Variants in MRO observed in about 807,000 individuals in gnomAD.
MRO encodes the protein protein maestro.
Under a neutral mutation model 31.0 loss-of-function variants are expected in MRO, and 28 were observed. That is an observed-to-expected ratio of 0.90 (90% CI 0.67 to 1.24). The LOEUF (loss-of-function observed/expected upper bound fraction) is 1.24, where lower values mean the gene tolerates loss of function less well. MRO is among the 50% of genes most tolerant of loss of function. The pLI is 0.00. For synonymous variants in MRO, 108 were observed against 108.4 expected (o/e 1.00, Z 0.02); for missense variants, 332 against 289.2 (o/e 1.15, Z -1.07).
chr18:50,809,235 A>G (rs1914248429), intron 3 of MRO, 67 bp downstream of exon 3: 2 of 1,260,998 alleles, frequency 1.6e-6, no homozygotes, highest in African/African-American at 1.5e-5. Flanking sequence ...CCACAGACCA[A>G]GCAAACATAC....
chr18:50,823,444 A>T (rs1193103866), upstream of MRO: 1 of 152,244 alleles, frequency 6.6e-6, no homozygotes, highest in East Asian at 1.9e-4. Context: ...AAGCTGTCTC[A>T]TCCAACCCTC....
At chr18:50,801,543 C>G in intron 5 of MRO, 39 bp from the exon 6 acceptor site, 1 of 1,552,894 alleles carries the variant, frequency 6.4e-7, no homozygotes, top group African/African-American at 1.4e-5. Flanking sequence ...AAAGCCAGAT[C>G]ATTACCAAAA....
In MRO at chr18:50,799,181, G is replaced by A; in HGVS notation, c.*156C>T. 1 of 625,546 alleles carries A rather than the reference G, an allele frequency of 1.6e-6. No individual in the cohort carries two copies. Among genetic ancestry groups the A allele is most frequent in the Non-Finnish European group, 2.9e-6 (1 of 344,390 alleles). The allele number at this position is 625,546 out of a possible 1,614,324, so 38.7% of individuals were successfully genotyped here. On this transcript the variant is annotated 3_prime_UTR_variant, in exon 8 of 8. Transcript: ENST00000398439. The stretch of plus-strand genomic sequence containing the variant: ...TTTAGATAAAATCATACAATTCCAT[G>A]TATTATTTTTGCCTTTGATTGCTCT...
At chr18:50,821,126 A>C (rs1374476824), upstream of MRO, among the ~76,000 whole-genome samples, 1 of 152,252 alleles carries the variant, frequency 6.6e-6, no homozygotes, top group African/African-American at 2.4e-5. Flanking sequence ...CAGCAAGGTC[A>C]GGCAAAAGCA....
intron 5 of MRO, among the ~76,000 whole-genome samples, chr18:50,802,624 G>A (rs1245415630): frequency 6.6e-6 from 1 of 152,196 alleles, no homozygotes. Flanking sequence ...CAGAGACCCA[G>A]CAAGACTGAG....
chr18:50,804,316 T>C (rs963990661), intron 5 of MRO, among the ~76,000 whole-genome samples: 2 of 152,210 alleles, frequency 1.3e-5, no homozygotes, highest in East Asian at 1.9e-4. Flanking sequence ...AGTGTAAATA[T>C]ACCCACTTCT....
chr18:50,811,105 G>A (rs959793671), intron 2 of MRO, among the ~76,000 whole-genome samples: 1 of 152,206 alleles, frequency 6.6e-6, no homozygotes, highest in Admixed American at 6.5e-5. Context: ...AATTAAAATA[G>A]TAGGAGAGAG....
chr18:50,822,660 C>G (rs1915346936), upstream of MRO, among the ~76,000 whole-genome samples: 1 of 152,020 alleles, frequency 6.6e-6, no homozygotes, highest in South Asian at 2.1e-4. Context: ...TAAGTTTCCT[C>G]CCTCTCATCT....
chr18:50,815,921 C>A (rs1458019282), intron 2 of MRO, among the ~76,000 whole-genome samples: 1 of 152,124 alleles, frequency 6.6e-6, no homozygotes, highest in African/African-American at 2.4e-5. Context: ...GTAATCCCAG[C>A]TACTTGGGAG....
chr18:50,802,918 T>TGTGTGTA (rs1913517345), intron 5 of MRO, among the ~76,000 whole-genome samples: 1 of 96,244 alleles, frequency 1.0e-5, no homozygotes, highest in South Asian at 3.4e-4. Context: ...GTGTGTGTAG[T>TGTGTGTA]GTGTGTGTGT....
upstream of MRO, chr18:50,823,630 G>A (rs1915392477): frequency 6.6e-6 from 1 of 152,178 alleles, no homozygotes; most frequent in African/African-American, 2.4e-5. Context: ...GCAAACCAAG[G>A]GACTCAAATC....
rs1912699642 is a variant in MRO at position 50,795,294 on chromosome 18, CAT to C, written c.*4041_*4042del. ...CCAAAGCATATATATCACTTACACTCATGGACTTTTTTTTCATTTTAAAAGGG... is the reference window on the plus strand; with the variant it reads ...CCAAAGCATATATATCACTTACACTCGGACTTTTTTTTCATTTTAAAAGGG... On this transcript the variant is annotated 3_prime_UTR_variant, in exon 8 of 8. Coordinates refer to ENST00000398439, the MANE Select transcript of MRO (RefSeq NM_031939.6). 6.6e-6 allele frequency: 1 copy of C among 152,180 alleles called. No homozygotes were observed. Among genetic ancestry groups the C allele is most frequent in the African/African-American group, 2.4e-5 (1 of 41,450 alleles). The allele number at this position is 152,180 out of a possible 1,614,324, so 9.4% of individuals were successfully genotyped here. A position where few individuals can be genotyped will look rare whatever the true frequency, so the allele number is the denominator to read the frequency against.
At chr18:50,816,305 A>T (rs1229082480) in intron 2 of MRO, 1 of 152,418 alleles carries the variant, frequency 6.6e-6, no homozygotes, top group African/African-American at 2.4e-5. Context: ...CTAGATGAAC[A>T]TCCCTATGGT....
rs183451001 is a variant in MRO at position 50,810,240 on chromosome 18, C to G, written c.-4-836G>C. Among the ~76,000 whole-genome samples the G allele has an allele frequency of 8.5e-3, 1,298 of 152,330 alleles. 39 individuals are homozygous for G. The highest frequency in any genetic ancestry group is 0.059 in the Admixed American group (903 of 15,306). ...GGGATTATAGGCTTGAGCCACTGTCCCCAGCCAATGGTTTGAACATAAATA... is the reference window on the plus strand; with the variant it reads ...GGGATTATAGGCTTGAGCCACTGTCGCCAGCCAATGGTTTGAACATAAATA... On this transcript the variant is annotated intron_variant, in intron 2 of 7. Coordinates refer to ENST00000398439, the MANE Select transcript of MRO (RefSeq NM_031939.6).
intron 3 of MRO, among the ~76,000 whole-genome samples, chr18:50,808,732 G>A (rs1360645886): frequency 1.3e-5 from 2 of 151,758 alleles, no homozygotes; most frequent in Non-Finnish European, 2.9e-5. Flanking sequence ...TGGGATTACA[G>A]AGGTGAGCCA....
At chr18:50,818,025 C>A (rs1393560627) in intron 2 of MRO, among the ~76,000 whole-genome samples, 1 of 139,136 alleles carries the variant, frequency 7.2e-6, no homozygotes, top group Admixed American at 7.3e-5. Flanking sequence ...TTCCTGCCTG[C>A]AGTGCCTCCC....
In MRO at chr18:50,797,040, T is replaced by G. The variant is rs1170717525; in HGVS notation, c.*2297A>C. On this transcript the variant is annotated 3_prime_UTR_variant, in exon 8 of 8. Transcript: ENST00000398439. ...TAAGGAATCTTCTCTGGTTACTTAT[T>G]GCAGTGTGACAAATTATCCCAAAGG... 1 of 152,248 alleles carries G rather than the reference T, an allele frequency of 6.6e-6. No homozygotes were observed. Among genetic ancestry groups the G allele is most frequent in the Non-Finnish European group, 1.5e-5 (1 of 68,050 alleles). The allele number at this position is 152,248 out of a possible 1,614,324, so 9.4% of individuals were successfully genotyped here.
chr18:50,800,187 T>G (rs542845833), intron 6 of MRO, 44 bp from the exon 7 acceptor site: 1 of 1,390,588 alleles, frequency 7.2e-7, no homozygotes, highest in South Asian at 1.2e-5. Flanking sequence ...GAGAGTTCCA[T>G]AATCCCAAGC....
At chr18:50,800,181 G>C (rs1380008563) in intron 6 of MRO, 38 bp from the exon 7 acceptor site, 1 of 1,420,136 alleles carries the variant, frequency 7.0e-7, no homozygotes, top group African/African-American at 1.4e-5. Flanking sequence ...TTATTAGAGA[G>C]TTCCATAATC....
Sources: gnomAD v4.1 joint callset for allele counts (sites outside exome capture counted in the v4.1 genomes callset) on GRCh38, gnomAD v4.1.1 for gene constraint, MANE v1.5 for transcripts, NCBI Gene and HGNC (gene_info 2026-07-23, HGNC 2026-07-21) for gene names.